Variants in THSD7B observed in about 807,000 individuals in gnomAD.
THSD7B encodes the protein thrombospondin type 1 domain containing 7B, also known as thrombospondin type-1 domain-containing protein 7B.
Under a neutral mutation model 213.6 loss-of-function variants are expected in THSD7B, and 138 were observed. The ratio of observed to expected loss-of-function variants is 0.65; its 90% confidence interval spans 0.56 to 0.74. The LOEUF (loss-of-function observed/expected upper bound fraction) is 0.74. Among genes scored for constraint, THSD7B ranks in the 30% least tolerant of loss-of-function variants. The pLI, the probability that THSD7B is intolerant of heterozygous loss-of-function variation, is 0.00. For missense variants in THSD7B, 1,931 were observed against 1,991.5 expected (o/e 0.97, Z 0.58); for synonymous variants, 742 against 687.0 (o/e 1.08, Z -1.25).
chr2:136,970,793 A>C (rs548205002), intron 2 of THSD7B, among the ~76,000 whole-genome samples: 1 of 152,172 alleles, frequency 6.6e-6, no homozygotes, highest in Non-Finnish European at 1.5e-5. Context: ...AAAATCTTTC[A>C]AAAAGAAAGA....
In THSD7B at chr2:137,405,748, A is replaced by T; in HGVS notation, c.2636A>T (p.Lys879Met). 1 of 1,613,620 alleles carries T rather than the reference A, an allele frequency of 6.2e-7. No homozygotes were observed. The highest frequency in any genetic ancestry group is 8.5e-7 in the Non-Finnish European group (1 of 1,179,798). ...REDCTFTAWS[K>M]FTPCSTNCEA... The stretch of plus-strand genomic sequence containing the variant: ...GACTGCACCTTCACTGCTTGGTCCA[A>T]GTTTACGCCCTGCTCCACGAACTGT... The change falls in exon 13 of 28, where the codon AAG becomes ATG. Residue 879 changes from lysine to methionine, a missense_variant. Lys to Met is a moderately conservative substitution (Grantham distance 95). Transcript: ENST00000409968.
chr2:137,200,891 A>C (rs1680862605), intron 7 of THSD7B, among the ~76,000 whole-genome samples: 2 of 143,236 alleles, frequency 1.4e-5, no homozygotes, highest in African/African-American at 5.2e-5. Context: ...CTGGTCTCCA[A>C]CTCCTGGCCT....
At chr2:137,216,577 C>T (rs1252471345) in intron 7 of THSD7B, among the ~76,000 whole-genome samples, 1 of 152,100 alleles carries the variant, frequency 6.6e-6, no homozygotes, top group East Asian at 1.9e-4. Context: ...GGTATGATTA[C>T]TTCTGAATCT....
chr2:137,379,726 A>G (rs1685731994), intron 12 of THSD7B, among the ~76,000 whole-genome samples: 1 of 152,224 alleles, frequency 6.6e-6, no homozygotes, highest in African/African-American at 2.4e-5. Flanking sequence ...GTGAAGCTCT[A>G]GTATTAAAGT....
chr2:137,250,885 C>T (rs1312784797), intron 10 of THSD7B, among the ~76,000 whole-genome samples: 1 of 152,084 alleles, frequency 6.6e-6, no homozygotes, highest in Non-Finnish European at 1.5e-5. Flanking sequence ...AAATCCTAGC[C>T]CCCTCCACAG....
At chr2:137,314,399 T>C (rs1276193319) in intron 12 of THSD7B, among the ~76,000 whole-genome samples, 2 of 152,216 alleles carry the variant, frequency 1.3e-5, no homozygotes, top group Non-Finnish European at 1.5e-5. Flanking sequence ...ATTCTAGTTA[T>C]ACATTCTTCT....
At chr2:137,454,460 A>G (rs1257407307) in intron 15 of THSD7B, among the ~76,000 whole-genome samples, 2 of 151,080 alleles carry the variant, frequency 1.3e-5, no homozygotes, top group Admixed American at 6.6e-5. Flanking sequence ...CTATCTATCT[A>G]TCTATCTATC....
chr2:136,943,243 G>T (rs1684863863), intron 2 of THSD7B, among the ~76,000 whole-genome samples: 1 of 152,182 alleles, frequency 6.6e-6, no homozygotes, highest in South Asian at 2.1e-4. Context: ...CTTGATTGTG[G>T]TGGATAAGCT....
At chr2:136,987,344 A>G (rs1279740990) in intron 2 of THSD7B, among the ~76,000 whole-genome samples, 1 of 152,204 alleles carries the variant, frequency 6.6e-6, no homozygotes, top group Non-Finnish European at 1.5e-5. Flanking sequence ...CACTGGGGCT[A>G]TTCATATTTT....
intron 7 of THSD7B, among the ~76,000 whole-genome samples, chr2:137,221,661 T>A (rs1681374164): frequency 1.3e-5 from 2 of 152,226 alleles, no homozygotes; most frequent in Admixed American, 1.3e-4. Context: ...GTGTTATTTA[T>A]CACAGAGAAA....
At chr2:137,140,191 A>T (rs1679553818) in intron 5 of THSD7B, among the ~76,000 whole-genome samples, 1 of 152,190 alleles carries the variant, frequency 6.6e-6, no homozygotes, top group African/African-American at 2.4e-5. Context: ...ATGTACATGC[A>T]GAATATTTTT....
chr2:137,610,919 A>T (rs1442767279), intron 17 of THSD7B, among the ~76,000 whole-genome samples: 2 of 151,420 alleles, frequency 1.3e-5, no homozygotes, highest in Non-Finnish European at 2.9e-5. Context: ...AATAGAGTGA[A>T]CATCTACTTC....
intron 2 of THSD7B, among the ~76,000 whole-genome samples, chr2:136,919,291 T>C (rs1684396815): frequency 2.0e-5 from 3 of 152,162 alleles, no homozygotes; most frequent in Non-Finnish European, 1.5e-5. Flanking sequence ...TCTGCCAAAA[T>C]ATATTCTTGG....
chr2:137,606,362 CCTCTT>C (rs1312843028), intron 17 of THSD7B, among the ~76,000 whole-genome samples: 1 of 152,120 alleles, frequency 6.6e-6, no homozygotes, highest in Admixed American at 6.5e-5. Context: ...CTGGATAACA[CCTCTT>C]CTAAGAGCAG....
intron 2 of THSD7B, among the ~76,000 whole-genome samples, chr2:136,946,626 T>C (rs998936787): frequency 6.6e-6 from 1 of 152,176 alleles, no homozygotes; most frequent in Non-Finnish European, 1.5e-5. Context: ...TGCTGTGCTG[T>C]GGTTGGCTCT....
chr2:137,385,033 A>G (rs1303367413), intron 12 of THSD7B, among the ~76,000 whole-genome samples: 1 of 152,062 alleles, frequency 6.6e-6, no homozygotes, highest in Non-Finnish European at 1.5e-5. Flanking sequence ...GACTCCAGCC[A>G]CTCATTTCAG....
chr2:137,428,620 T>C (rs1403333892), intron 14 of THSD7B, among the ~76,000 whole-genome samples: 2 of 152,200 alleles, frequency 1.3e-5, no homozygotes, highest in Non-Finnish European at 2.9e-5. Flanking sequence ...AAAAGAATGA[T>C]GTACTAATAC....
At chr2:137,239,463 T>C (rs1443520624) in intron 9 of THSD7B, among the ~76,000 whole-genome samples, 1 of 152,138 alleles carries the variant, frequency 6.6e-6, no homozygotes, top group Non-Finnish European at 1.5e-5. Context: ...CTTTACTCCT[T>C]CCTCATCTAC....
intron 2 of THSD7B, among the ~76,000 whole-genome samples, chr2:136,887,300 TTGTGTGTGTGTGTG>T (rs3084772): frequency 3.4e-5 from 5 of 148,578 alleles, no homozygotes; most frequent in African/African-American, 1.2e-4. Flanking sequence ...TCCATATTTG[TTGTGTGTGTGTGTG>T]TGTGTGTGTG....
Sources: allele counts gnomAD v4.1 joint callset (sites outside exome capture counted in the v4.1 genomes callset), GRCh38; gene constraint gnomAD v4.1.1; transcripts MANE v1.5; gene names NCBI Gene and HGNC (gene_info 2026-07-23, HGNC 2026-07-21).